The following LMBR1 variants were observed in gnomAD, a reference collection of about 807,000 sequenced individuals.
LMBR1 encodes limb development membrane protein 1, also known as limb region 1 protein homolog.
A neutral mutation model predicts 73.9 loss-of-function variants in LMBR1; 52 were observed. That is an observed-to-expected ratio of 0.70 (90% CI 0.56 to 0.89). LMBR1 has a LOEUF of 0.89. Among genes scored for constraint, LMBR1 ranks in the 40% least tolerant of loss-of-function variants. LMBR1 has a pLI of 0.00. For missense variants in LMBR1, 539 were observed against 579.8 expected (o/e 0.93, Z 0.72); for synonymous variants, 215 against 209.4 (o/e 1.03, Z -0.23).
chr7:156,676,315 C>T (rs751671528), downstream of LMBR1: 51 of 1,611,148 alleles, frequency 3.2e-5, no homozygotes, highest in Non-Finnish European at 4.0e-5. Context: ...CCGCATGTTT[C>T]GAAGACCCAT....
intron 4 of LMBR1, among the ~76,000 whole-genome samples, chr7:156,821,831 G>A (rs1834845465): frequency 6.6e-6 from 1 of 152,168 alleles, no homozygotes; most frequent in Non-Finnish European, 1.5e-5. Context: ...CACCATGATG[G>A]TAGGGACGGA....
chr7:156,795,305 G>A (rs1829885544), intron 5 of LMBR1, among the ~76,000 whole-genome samples: 1 of 152,120 alleles, frequency 6.6e-6, no homozygotes, highest in South Asian at 2.1e-4. Context: ...GCTTCAAACT[G>A]CATCTTATTT....
chr7:156,802,051 C>A (rs1371863637), intron 4 of LMBR1, among the ~76,000 whole-genome samples: 2 of 152,018 alleles, frequency 1.3e-5, no homozygotes, highest in East Asian at 1.9e-4. Flanking sequence ...GGCGCAATCT[C>A]GGCTCACCGC....
At chr7:156,677,392 C>T (rs553567677), downstream of LMBR1, among the ~76,000 whole-genome samples, 1 of 152,088 alleles carries the variant, frequency 6.6e-6, no homozygotes, top group Admixed American at 6.5e-5. Context: ...TGAGGCAGGG[C>T]GAGGGTACAC....
downstream of LMBR1, among the ~76,000 whole-genome samples, chr7:156,673,429 C>A (rs1440852429): frequency 6.6e-6 from 1 of 151,996 alleles, no homozygotes; most frequent in Non-Finnish European, 1.5e-5. Flanking sequence ...ATTTGAAAGG[C>A]CAAGGAATAA....
At position 156,868,595 on chromosome 7, in the gene LMBR1, G is replaced by A. The variant is rs148507616; in HGVS notation, c.66+24333C>T. On this transcript the variant is annotated intron_variant, in intron 1 of 16. Transcript: ENST00000353442. ...GGAGAATTGCTTGAACCTTGGAGGCGGAGGTTGCAGTGAGCCTAGATGGTG... is the reference window on the plus strand; with the variant it reads ...GGAGAATTGCTTGAACCTTGGAGGCAGAGGTTGCAGTGAGCCTAGATGGTG... Among the ~76,000 whole-genome samples the A allele has an allele frequency of 4.6e-3, 695 of 152,090 alleles. 4 individuals carry two copies. Among genetic ancestry groups the A allele is most frequent in the Middle Eastern group, 0.01 (3 of 294 alleles).
chr7:156,838,163 T>C (rs774318218), intron 1 of LMBR1, among the ~76,000 whole-genome samples: 5 of 152,314 alleles, frequency 3.3e-5, no homozygotes, highest in South Asian at 2.1e-4. Flanking sequence ...ATAAGATACA[T>C]TGTGGAATGG....
At chr7:156,725,227 A>G (rs1191592114) in intron 14 of LMBR1, among the ~76,000 whole-genome samples, 2 of 152,164 alleles carry the variant, frequency 1.3e-5, no homozygotes, top group African/African-American at 4.8e-5. Context: ...AGTTCTCCGC[A>G]TTTACAGTGA....
At chr7:156,829,984 A>G (rs1836385597) in intron 3 of LMBR1, among the ~76,000 whole-genome samples, 1 of 152,090 alleles carries the variant, frequency 6.6e-6, no homozygotes, top group Non-Finnish European at 1.5e-5. Flanking sequence ...CTTTATCCTC[A>G]ACTTCTTTAT....
intron 1 of LMBR1, among the ~76,000 whole-genome samples, chr7:156,859,610 A>G (rs1797458240): frequency 6.6e-6 from 1 of 152,162 alleles, no homozygotes; most frequent in East Asian, 1.9e-4. Context: ...GCCCCAAAAA[A>G]GAATTACTTG....
At chr7:156,729,141 G>C (rs1816354923) in intron 10 of LMBR1, among the ~76,000 whole-genome samples, 1 of 152,072 alleles carries the variant, frequency 6.6e-6, no homozygotes, top group Non-Finnish European at 1.5e-5. Flanking sequence ...ACGATACCCA[G>C]ACAAAAATCA....
At chr7:156,846,551 G>A (rs1795503068) in intron 1 of LMBR1, among the ~76,000 whole-genome samples, 1 of 152,134 alleles carries the variant, frequency 6.6e-6, no homozygotes, top group Non-Finnish European at 1.5e-5. Context: ...AACTTAATTA[G>A]TGGAGAGAGA....
intron 1 of LMBR1, among the ~76,000 whole-genome samples, chr7:156,841,643 C>A (rs756775608): frequency 5.9e-5 from 9 of 152,104 alleles, no homozygotes; most frequent in Non-Finnish European, 1.2e-4. Context: ...TCAAACACTG[C>A]TGACAGGCCA....
chr7:156,734,123 C>A lies in LMBR1; in HGVS notation c.838+54G>T, dbSNP rs930870999. The A allele has an allele frequency of 2.7e-5, 31 of 1,154,424 alleles. No individual in the cohort carries two copies. In the African/African-American group the frequency reaches 3.7e-4, roughly 14 times the overall value. The allele number at this position is 1,154,424 out of a possible 1,614,324, so 71.5% of individuals were successfully genotyped here. A position where few individuals can be genotyped will look rare whatever the true frequency, so the allele number is the denominator to read the frequency against. ...CTAATATTTCAGACTACAGTAAAGT[C>A]TTTAATAAGAAACCAAGGCCAATAC... On this transcript the variant is annotated intron_variant, in intron 10 of 16. Transcript: ENST00000353442.
At chr7:156,751,270 C>A (rs967641980) in intron 9 of LMBR1, among the ~76,000 whole-genome samples, 2 of 152,072 alleles carry the variant, frequency 1.3e-5, no homozygotes, top group Admixed American at 1.3e-4. Flanking sequence ...CTTAGTGATA[C>A]AATCGATATC....
chr7:156,776,105 G>A (rs1434209770), intron 5 of LMBR1, among the ~76,000 whole-genome samples: 3 of 148,190 alleles, frequency 2.0e-5, no homozygotes, highest in Non-Finnish European at 4.5e-5. Flanking sequence ...TTTTATATAT[G>A]TAAATTATAT....
chr7:156,790,057 G>A (rs1828926603), intron 5 of LMBR1, among the ~76,000 whole-genome samples: 1 of 151,798 alleles, frequency 6.6e-6, no homozygotes, highest in African/African-American at 2.4e-5. Flanking sequence ...CATATAAAAG[G>A]GTTTGAAGTT....
intron 9 of LMBR1, among the ~76,000 whole-genome samples, chr7:156,754,084 G>A (rs540440301): frequency 1.5e-4 from 23 of 152,206 alleles, no homozygotes; most frequent in Admixed American, 1.4e-3. Flanking sequence ...AAGAAGAAAG[G>A]GTAGAGAGCA....
chr7:156,728,008 CT>C lies in LMBR1; in HGVS notation c.916-2del. On this transcript the variant is annotated splice_acceptor_variant, in intron 11 of 16. Coordinates refer to ENST00000353442, the MANE Select transcript of LMBR1 (RefSeq NM_022458.4). LOFTEE classifies it high-confidence loss of function. ...AAGCCACCAAGAGGACCGAGATGGA[CT>C]ACAAGACAAACAGCAAACTGTCAGC... 6.2e-7 allele frequency: 1 copy of C among 1,611,000 alleles called. No homozygotes were observed.
Sources: allele counts gnomAD v4.1 joint callset (sites outside exome capture counted in the v4.1 genomes callset), GRCh38; gene constraint gnomAD v4.1.1; transcripts MANE v1.5; gene names NCBI Gene and HGNC (gene_info 2026-07-23, HGNC 2026-07-21).